The following PARD3B variants were observed in gnomAD, a reference collection of about 807,000 sequenced individuals.
PARD3B encodes partitioning defective 3 homolog B.
Under a neutral mutation model 130.2 loss-of-function variants are expected in PARD3B, and 103 were observed. The ratio of observed to expected loss-of-function variants is 0.79; its 90% CI spans 0.67 to 0.93. The LOEUF (loss-of-function observed/expected upper bound fraction) is 0.93. Ranked by LOEUF, PARD3B falls within the 40% of genes least tolerant of loss-of-function variation. The probability of loss-of-function intolerance (pLI) is 0.00; values close to 1 mark genes in which losing one functional copy is unlikely to be tolerated. For missense variants in PARD3B, 1,609 were observed against 1,499.2 expected (o/e 1.07, Z -1.21); for synonymous variants, 583 against 553.2 (o/e 1.05, Z -0.76).
Position 205,287,248 on chromosome 2 carries a change from C to G in PARD3B, c.2186-13282C>G, listed in dbSNP as rs968473488. On this transcript the variant is annotated intron_variant, in intron 16 of 22. Coordinates refer to ENST00000406610, the MANE Select transcript of PARD3B (RefSeq NM_001302769.2). The surrounding 1 kb of genome is among the most constrained non-coding windows in gnomAD (Gnocchi z 4.8). ...TGGAGAATAGAATATGAAGTCAAGA[C>G]TGTGAGTTACAATGGAAAGAAAACA... is the stretch of plus-strand genomic sequence containing the variant. 3.9e-5 allele frequency among the ~76,000 whole-genome samples: 6 copies of G among 152,206 alleles called. No individual in the cohort carries two copies.
In PARD3B at chr2:205,297,080, C is replaced by T. The variant is rs568354632; in HGVS notation, c.2186-3450C>T. On this transcript the variant is annotated intron_variant, in intron 16 of 22. Transcript: ENST00000406610. ...AGCTCATGTTTGTGAGGGGAGGATC[C>T]GTTCTTCTCGATCTTAAAGAACATG... 5.9e-4 allele frequency among the ~76,000 whole-genome samples: 89 copies of T among 151,954 alleles called. 1 individual carries two copies. Among genetic ancestry groups the T allele is most frequent in the African/African-American group, 2.0e-3 (83 of 41,442 alleles).
intron 2 of PARD3B, among the ~76,000 whole-genome samples, chr2:204,901,374 C>T (rs1274027346): frequency 1.3e-5 from 2 of 152,188 alleles, no homozygotes; most frequent in East Asian, 3.9e-4. Context: ...TCCCTGAGGC[C>T]ACCACTGCCT....
At chr2:205,243,153 C>T (rs572448512) in intron 15 of PARD3B, among the ~76,000 whole-genome samples, 96 of 151,556 alleles carry the variant, frequency 6.3e-4, no homozygotes, top group Non-Finnish European at 1.2e-3. Context: ...GCAACAAGAG[C>T]GAAACTCCGT....
At chr2:205,168,318 A>AGTGTGTGT (rs1429954131) in intron 11 of PARD3B, among the ~76,000 whole-genome samples, 143 of 122,480 alleles carry the variant, frequency 1.2e-3, no homozygotes, top group Non-Finnish European at 2.2e-3. Context: ...AGAGAGAGAG[A>AGTGTGTGT]GAGTGTGTGT....
intron 1 of PARD3B, among the ~76,000 whole-genome samples, chr2:204,614,822 C>A (rs2034051202): frequency 6.6e-6 from 1 of 152,148 alleles, no homozygotes; most frequent in South Asian, 2.1e-4. Flanking sequence ...TGATTGGAAG[C>A]TTCCTGAGGT....
chr2:205,615,681 C>G lies in PARD3B; in HGVS notation c.3486C>G (p.Ser1162=), dbSNP rs374818489. 23 of 1,614,080 alleles carry G rather than the reference C, an allele frequency of 1.4e-5. No individual in the cohort carries two copies. Among genetic ancestry groups the G allele is most frequent in the East Asian group, 6.7e-5 (3 of 44,842 alleles). The part of the protein sequence containing the change: ...KGPFRQDVPP[S]PPQHQRMPAY... ...CCTTTCGACAAGACGTTCCGCCTTC[C>G]CCTCCCCAGCACCAAAGAATGCCAG... The change falls in exon 23 of 23, where the codon TCC becomes TCG. Residue 1162 remains serine, a synonymous_variant. Coordinates refer to ENST00000406610, the MANE Select transcript of PARD3B (RefSeq NM_001302769.2).
intron 1 of PARD3B, among the ~76,000 whole-genome samples, chr2:204,577,300 G>A (rs2032314159): frequency 6.6e-6 from 1 of 152,170 alleles, no homozygotes; most frequent in Non-Finnish European, 1.5e-5. Flanking sequence ...CTTTGCATAT[G>A]TTAATCTATT....
intron 2 of PARD3B, among the ~76,000 whole-genome samples, chr2:204,964,819 A>G (rs1203657432): frequency 1.3e-5 from 2 of 152,156 alleles, no homozygotes; most frequent in African/African-American, 2.4e-5. Flanking sequence ...TAAAGAGTTA[A>G]TGAAGTCATT....
chr2:205,002,775 A>G (rs976445397), intron 3 of PARD3B, among the ~76,000 whole-genome samples: 4 of 152,202 alleles, frequency 2.6e-5, no homozygotes, highest in Non-Finnish European at 4.4e-5. Flanking sequence ...ATTCAGAGGA[A>G]AAGCCACATT....
At chr2:205,349,971 C>T (rs1241822972) in intron 18 of PARD3B, among the ~76,000 whole-genome samples, 1 of 152,094 alleles carries the variant, frequency 6.6e-6, no homozygotes, top group African/African-American at 2.4e-5. Context: ...CCCAAGCCAA[C>T]ACCAAGCAGC....
chr2:204,648,512 T>A (rs2035350034), intron 1 of PARD3B, among the ~76,000 whole-genome samples: 1 of 143,306 alleles, frequency 7.0e-6, no homozygotes. Context: ...TCATTATGAG[T>A]TGTGGGCAAG....
intron 18 of PARD3B, among the ~76,000 whole-genome samples, chr2:205,342,464 G>A (rs2043579654): frequency 6.6e-6 from 1 of 152,124 alleles, no homozygotes; most frequent in Admixed American, 6.5e-5. Flanking sequence ...TCATTTCTTT[G>A]TTTTAAAATT....
chr2:205,500,051 C>G lies in PARD3B; in HGVS notation c.3180+20C>G. ...CTCTGGGTAAGCGCATGCATGATTTCAATCGTTGAATTCATCTTTTCTAAG... is the reference window on the plus strand; with the variant it reads ...CTCTGGGTAAGCGCATGCATGATTTGAATCGTTGAATTCATCTTTTCTAAG... On this transcript the variant is annotated intron_variant, in intron 21 of 22. Transcript: ENST00000406610. The G allele has an allele frequency of 6.2e-7, 1 of 1,611,068 alleles. No individual in the cohort carries two copies. Among genetic ancestry groups the G allele is most frequent in the Non-Finnish European group, 8.5e-7 (1 of 1,178,188 alleles).
At chr2:204,955,506 A>G (rs1202429060) in intron 2 of PARD3B, among the ~76,000 whole-genome samples, 1 of 152,232 alleles carries the variant, frequency 6.6e-6, no homozygotes, top group African/African-American at 2.4e-5. Context: ...GAAGATACCC[A>G]TATGGCAGAG....
At chr2:205,093,003 A>G (rs1702198946) in intron 4 of PARD3B, among the ~76,000 whole-genome samples, 1 of 152,174 alleles carries the variant, frequency 6.6e-6, no homozygotes, top group South Asian at 2.1e-4. Context: ...CAATTATTTC[A>G]ATCCATAAAT....
At chr2:205,151,977 A>G (rs2033790574) in intron 10 of PARD3B, among the ~76,000 whole-genome samples, 1 of 152,166 alleles carries the variant, frequency 6.6e-6, no homozygotes, top group Non-Finnish European at 1.5e-5. Flanking sequence ...ATCTCTCAGC[A>G]TTTGCTTCTC....
intron 14 of PARD3B, among the ~76,000 whole-genome samples, chr2:205,188,885 A>C (rs2036243810): frequency 6.6e-6 from 1 of 152,172 alleles, no homozygotes; most frequent in Non-Finnish European, 1.5e-5. Flanking sequence ...TGGCGTGAGG[A>C]AAGAAAAACA....
intron 18 of PARD3B, among the ~76,000 whole-genome samples, chr2:205,394,528 C>T (rs747254506): frequency 2.6e-5 from 4 of 152,152 alleles, no homozygotes; most frequent in African/African-American, 4.8e-5. Context: ...GAACTTTCAT[C>T]TCCTATGCCA....
chr2:204,568,215 T>G (rs1218706181), intron 1 of PARD3B, among the ~76,000 whole-genome samples: 2 of 152,234 alleles, frequency 1.3e-5, no homozygotes, highest in Admixed American at 6.5e-5. Flanking sequence ...AAACATGGTC[T>G]CAGCTTCTCA....
Sources: gnomAD v4.1 joint callset for allele counts (sites outside exome capture counted in the v4.1 genomes callset) on GRCh38, gnomAD v4.1.1 for gene constraint, Gnocchi (gnomAD v3.1) non-coding constraint, MANE v1.5 for transcripts, NCBI Gene and HGNC (gene_info 2026-07-23, HGNC 2026-07-21) for gene names.